DTL: variants seen among roughly 807,000 people sequenced by gnomAD.
DTL encodes denticleless protein homolog.
Under a neutral mutation model 87.0 loss-of-function variants are expected in DTL, and 46 were observed. The ratio of observed to expected loss-of-function variants is 0.53; its 90% CI spans 0.42 to 0.68. DTL has a LOEUF of 0.68. Among genes scored for constraint, DTL ranks in the 30% least tolerant of loss-of-function variants. DTL has a pLI of 0.00. For synonymous variants in DTL, 308 were observed against 311.2 expected (o/e 0.99, Z 0.11); for missense variants, 737 against 869.4 (o/e 0.85, Z 1.91).
At chr1:212,080,906 C>T (rs1325150147) in intron 13 of DTL, among the ~76,000 whole-genome samples, 156 bp downstream of exon 13, 1 of 152,146 alleles carries the variant, frequency 6.6e-6, no homozygotes, top group Non-Finnish European at 1.5e-5. Flanking sequence ...ATTTCCCAAG[C>T]ACTACTATGT....
intron 13 of DTL, among the ~76,000 whole-genome samples, chr1:212,092,416 G>T (rs746431556): frequency 7.2e-5 from 11 of 152,080 alleles, no homozygotes; most frequent in Non-Finnish European, 1.5e-4. Flanking sequence ...TGTAGTCCCA[G>T]CTACTTGGGA....
intron 5 of DTL, among the ~76,000 whole-genome samples, chr1:212,057,322 TC>T (rs1381083386): frequency 6.6e-6 from 1 of 150,564 alleles, no homozygotes; most frequent in Non-Finnish European, 1.5e-5. Flanking sequence ...ATCTTATAGT[TC>T]AGGAGAGAAT....
At chr1:212,097,620 A>G (rs1361099176) in intron 13 of DTL, among the ~76,000 whole-genome samples, 3 of 151,644 alleles carry the variant, frequency 2.0e-5, no homozygotes, top group African/African-American at 7.3e-5. Context: ...TTTTTCGTCT[A>G]CATCCTGTTT....
rs537123910 is a variant in DTL at position 212,085,033 on chromosome 1, T to C, written c.1261+4283T>C. Among the ~76,000 whole-genome samples, 3 of 152,368 alleles carry C rather than the reference T, an allele frequency of 2.0e-5. No homozygotes were observed. In the South Asian group the frequency reaches 6.2e-4, roughly 32 times the overall value. On this transcript the variant is annotated intron_variant, in intron 13 of 14. Transcript: ENST00000366991. ...TGGTACAGTATAAATGGTATATTAA[T>C]AGTTGTTGTACTATATCATTTAGGG...
chr1:212,044,569 C>T, intron 2 of DTL, 91 bp from the exon 3 acceptor site: 1 of 744,082 alleles, frequency 1.3e-6, no homozygotes, highest in South Asian at 1.9e-5. Flanking sequence ...CACTATTGCA[C>T]TCCAGTCTGG....
chr1:212,070,682 A>C (rs967905825), intron 10 of DTL, among the ~76,000 whole-genome samples: 3 of 151,506 alleles, frequency 2.0e-5, no homozygotes, highest in African/African-American at 7.3e-5. Context: ...GTCCTTTTCA[A>C]AACTTCTGAA....
chr1:212,085,516 T>G (rs1376497742), intron 13 of DTL, among the ~76,000 whole-genome samples: 1 of 152,250 alleles, frequency 6.6e-6, no homozygotes, highest in Non-Finnish European at 1.5e-5. Context: ...ATTGTTGAGT[T>G]GTAAGCATTC....
chr1:212,099,346 G>GC (rs1430888414), intron 13 of DTL, among the ~76,000 whole-genome samples: 7 of 152,168 alleles, frequency 4.6e-5, no homozygotes, highest in African/African-American at 1.7e-4. Context: ...CAACTCTTCT[G>GC]CCTCAGCCTC....
intron 3 of DTL, among the ~76,000 whole-genome samples, chr1:212,046,659 A>G (rs538567595): frequency 5.9e-5 from 9 of 152,290 alleles, no homozygotes; most frequent in African/African-American, 2.2e-4. Context: ...CACAGTGTAT[A>G]TGTACCACAT....
chr1:212,059,104 A>C (rs193260704), intron 5 of DTL, among the ~76,000 whole-genome samples: 1 of 152,310 alleles, frequency 6.6e-6, no homozygotes, highest in African/African-American at 2.4e-5. Flanking sequence ...AAACTTTTAA[A>C]GAACTAACAC....
At chr1:212,048,601 G>T (rs1014815398) in intron 5 of DTL, among the ~76,000 whole-genome samples, 1 of 152,330 alleles carries the variant, frequency 6.6e-6, no homozygotes, top group East Asian at 1.9e-4. Context: ...ACACAGCACA[G>T]TACTGTAGCA....
At chr1:212,086,378 T>G (rs952614579) in intron 13 of DTL, among the ~76,000 whole-genome samples, 7 of 152,178 alleles carry the variant, frequency 4.6e-5, no homozygotes, top group Non-Finnish European at 8.8e-5. Context: ...TCCCTCCACT[T>G]TGACATAATT....
chr1:212,073,543 T>C (rs1044990250), intron 11 of DTL, among the ~76,000 whole-genome samples: 2 of 152,194 alleles, frequency 1.3e-5, no homozygotes, highest in African/African-American at 4.8e-5. Flanking sequence ...TGAAGCATAA[T>C]TCTTCAGCTT....
rs1184770615 is a variant in DTL, at chr1:212,103,048, TAAG to T, written c.*111_*113del. The T allele has an allele frequency of 1.4e-5, 8 of 575,632 alleles. No individual in the cohort carries two copies. The South Asian group carries it at 1.5e-4, about 11-fold the overall frequency. The allele number at this position is 575,632 out of a possible 1,614,324, so 35.7% of individuals were successfully genotyped here. A position where few individuals can be genotyped will look rare whatever the true frequency, so the allele number is the denominator to read the frequency against. Reference sequence around the variant, plus strand: ...AGAGTGACTCTATAACTCTGGTCTTTAAGAAAGCTGCCTTTTCATTTTTAGACA... The same window carrying T: ...AGAGTGACTCTATAACTCTGGTCTTTAAAGCTGCCTTTTCATTTTTAGACA... On this transcript the variant is annotated 3_prime_UTR_variant, in exon 15 of 15. Transcript: ENST00000366991.
chr1:212,062,247 C>CT (rs1654348943), intron 5 of DTL, among the ~76,000 whole-genome samples: 1 of 152,196 alleles, frequency 6.6e-6, no homozygotes. Flanking sequence ...AGTGCTCACT[C>CT]TTTCACACAG....
chr1:212,050,035 G>T (rs558393882), intron 5 of DTL, among the ~76,000 whole-genome samples: 2 of 151,928 alleles, frequency 1.3e-5, no homozygotes, highest in African/African-American at 4.8e-5. Flanking sequence ...GCTTGGTACA[G>T]TGGTATGCAC....
intron 5 of DTL, among the ~76,000 whole-genome samples, chr1:212,054,894 C>T (rs1482640592): frequency 6.7e-6 from 1 of 149,064 alleles, no homozygotes; most frequent in Non-Finnish European, 1.5e-5. Context: ...TAAATTCCAA[C>T]AAAAGGGGAA....
intron 13 of DTL, among the ~76,000 whole-genome samples, chr1:212,091,485 C>T (rs568057065): frequency 3.3e-5 from 5 of 152,098 alleles, no homozygotes; most frequent in African/African-American, 1.2e-4. Context: ...TATGTGGAAG[C>T]GATACCTGCA....
At chr1:212,053,553 A>C (rs1012385149) in intron 5 of DTL, among the ~76,000 whole-genome samples, 2 of 151,846 alleles carry the variant, frequency 1.3e-5, no homozygotes, top group African/African-American at 4.8e-5. Context: ...TATTGATTAC[A>C]AGTGTATATA....
Sources: allele counts gnomAD v4.1 joint callset (sites outside exome capture counted in the v4.1 genomes callset), GRCh38; gene constraint gnomAD v4.1.1; transcripts MANE v1.5; gene names NCBI Gene and HGNC (gene_info 2026-07-23, HGNC 2026-07-21).